The following FASTKD2 variants were observed in gnomAD, a reference collection of about 807,000 sequenced individuals.
FASTKD2 encodes the protein FAST kinase domains 2.
FASTKD2 carries 51 observed loss-of-function variants against 63.6 expected under a neutral mutation model. The observed-to-expected ratio is 0.80, with a 90% CI of 0.64 to 1.01. FASTKD2 has a LOEUF of 1.01. Among genes scored for constraint, FASTKD2 ranks in the 50% least tolerant of loss-of-function variants. The probability of loss-of-function intolerance (pLI) is 0.00; values close to 1 mark genes in which losing one functional copy is unlikely to be tolerated. For missense variants in FASTKD2, 786 were observed against 831.1 expected, an observed-to-expected ratio of 0.95 and a Z score of 0.67; for synonymous variants, 284 against 293.4, an observed-to-expected ratio of 0.97 and a Z score of 0.33.
intron 6 of FASTKD2, among the ~76,000 whole-genome samples, chr2:206,773,125 G>C (rs928418032): frequency 1.3e-5 from 2 of 151,988 alleles, no homozygotes; most frequent in African/African-American, 4.8e-5. Flanking sequence ...GACCAGCCTG[G>C]CCAACATGGT....
In FASTKD2 at chr2:206,792,080, T is replaced by G. The variant is rs1470404523; in HGVS notation, c.*278T>G. 2.4e-6 allele frequency: 1 copy of G among 419,124 alleles called. No individual in the cohort carries two copies. The highest frequency in any genetic ancestry group is 4.4e-6 in the Non-Finnish European group (1 of 227,238). The allele number at this position is 419,124 out of a possible 1,614,324, so 26.0% of individuals were successfully genotyped here. A position where few individuals can be genotyped will look rare whatever the true frequency, so the allele number is the denominator to read the frequency against. On this transcript the variant is annotated 3_prime_UTR_variant, in exon 12 of 12. Coordinates refer to ENST00000402774, the MANE Select transcript of FASTKD2 (RefSeq NM_001136193.2). ...GTACGTTTCACCTTTTCATCTTTGA[T>G]CTACTAAAAACTGGTTTCTTAGTTG...
intron 7 of FASTKD2, among the ~76,000 whole-genome samples, chr2:206,779,596 A>G (rs1297737639): frequency 1.3e-5 from 2 of 152,144 alleles, no homozygotes; most frequent in Non-Finnish European, 2.9e-5. Flanking sequence ...CTCCGTCACT[A>G]TTACGAGAAC....
In FASTKD2 at chr2:206,795,587, G is replaced by A. The variant is rs966249267; in HGVS notation, c.*3785G>A. On this transcript the variant is annotated 3_prime_UTR_variant, in exon 12 of 12. Transcript: ENST00000402774. ...ACCCATTTGTGCACACAGGTGTGCC[G>A]TGACTCACTGGTGGATCCAAAAAAA... Among the ~76,000 whole-genome samples the A allele has an allele frequency of 2.0e-5, 3 of 152,128 alleles. No homozygotes were observed. Among genetic ancestry groups the A allele is most frequent in the African/African-American group, 4.8e-5 (2 of 41,422 alleles).
In FASTKD2 at chr2:206,788,954, T is replaced by C. The variant is rs375821151; in HGVS notation, c.1898+51T>C. The stretch of plus-strand genomic sequence containing the variant: ...GGGCTTTCTGAATTAAAATCCTAAT[T>C]CTAAAAGACTTCATATTAAATAGCA... On this transcript the variant is annotated intron_variant, in intron 10 of 11. Transcript: ENST00000402774. 8.5e-6 allele frequency: 8 copies of C among 941,634 alleles called. No individual in the cohort carries two copies. The African/African-American group carries it at 1.3e-4, about 15-fold the overall frequency. 58.3% of individuals were successfully genotyped at this position (941,634 alleles called of 1,614,324 possible). A position where few individuals can be genotyped will look rare whatever the true frequency, so the allele number is the denominator to read the frequency against.
At chr2:206,786,395 C>T (rs946458758) in intron 7 of FASTKD2, among the ~76,000 whole-genome samples, 5 of 152,156 alleles carry the variant, frequency 3.3e-5, no homozygotes, top group Admixed American at 6.5e-5. Flanking sequence ...TCTAATACTG[C>T]CTTTGCTACT....
chr2:206,781,509 T>C (rs1689977256), intron 7 of FASTKD2, among the ~76,000 whole-genome samples: 1 of 151,454 alleles, frequency 6.6e-6, no homozygotes, highest in Admixed American at 6.6e-5. Context: ...AGAGACGGGG[T>C]TTCACCATTT....
chr2:206,770,173 A>C lies in FASTKD2; in HGVS notation c.860A>C (p.His287Pro), dbSNP rs754128949. 1 of 1,606,536 alleles carries C rather than the reference A, an allele frequency of 6.2e-7. No individual in the cohort carries two copies. Among genetic ancestry groups the C allele is most frequent in the African/African-American group, 1.3e-5 (1 of 74,780 alleles). The change falls in exon 3 of 12, where the codon CAT becomes CCT. Residue 287 changes from histidine to proline, a missense_variant. Transcript: ENST00000402774. ...GCAATGGAACCATGCAAGAATGTTC[A>C]TGTTCTACGAACGGGATTCAGGTGA... The part of the protein sequence containing the change: ...LEAMEPCKNV[H>P]VLRTGFRILV...
At chr2:206,783,937 G>T (rs1246113391) in intron 7 of FASTKD2, among the ~76,000 whole-genome samples, 1 of 152,156 alleles carries the variant, frequency 6.6e-6, no homozygotes, top group African/African-American at 2.4e-5. Flanking sequence ...GAGGCCAGGG[G>T]TGCCGCTAAC....
chr2:206,771,365 T>C, intron 4 of FASTKD2, 75 bp downstream of exon 4: 1 of 869,956 alleles, frequency 1.1e-6, no homozygotes, highest in South Asian at 1.4e-5. Context: ...CTGCCTGAAG[T>C]CAATTTTCTA....
Position 206,765,608 on chromosome 2 carries a change from A to G in FASTKD2, c.-190A>G, listed in dbSNP as rs970608568. On this transcript the variant is annotated 5_prime_UTR_variant, in exon 1 of 12. Transcript: ENST00000402774. The stretch of plus-strand genomic sequence containing the variant: ...CGTGAGAAGCGCAGCTTCTCGGGGA[A>G]GCTGTCATGGCTGCTCCTGTACGTA... 27 of 954,230 alleles carry G rather than the reference A, an allele frequency of 2.8e-5. No homozygotes were observed. The highest frequency in any genetic ancestry group is 4.5e-4 in the Middle Eastern group (1 of 2,202). The allele number at this position is 954,230 out of a possible 1,614,324, so 59.1% of individuals were successfully genotyped here.
At chr2:206,784,780 C>T (rs62195964) in intron 7 of FASTKD2, among the ~76,000 whole-genome samples, 1,805 of 152,310 alleles carry the variant, frequency 0.012, 18 homozygotes, top group Non-Finnish European at 0.02. Flanking sequence ...TCTTCCTCAT[C>T]AAAGTTTATT....
intron 6 of FASTKD2, among the ~76,000 whole-genome samples, chr2:206,773,925 T>C (rs1689753603): frequency 6.6e-6 from 1 of 152,178 alleles, no homozygotes; most frequent in Non-Finnish European, 1.5e-5. Flanking sequence ...AGATATGTTG[T>C]ATGAAAAGCA....
intron 7 of FASTKD2, among the ~76,000 whole-genome samples, chr2:206,784,718 G>A (rs1645028969): frequency 1.3e-5 from 2 of 152,170 alleles, no homozygotes; most frequent in Admixed American, 1.3e-4. Context: ...AATTCTGGAA[G>A]TCAGCTATTT....
At chr2:206,790,745 C>T (rs2105989369) in intron 11 of FASTKD2, 59 bp downstream of exon 11, 1 of 1,026,610 alleles carries the variant, frequency 9.7e-7, no homozygotes, top group African/African-American at 1.6e-5. Flanking sequence ...CTAACAGCTG[C>T]CAGGAATCTT....
At chr2:206,789,585 C>T (rs1045630287) in intron 10 of FASTKD2, 1 of 148,402 alleles carries the variant, frequency 6.7e-6, no homozygotes, top group African/African-American at 2.6e-5. Flanking sequence ...CTGTTAACTC[C>T]ACTGGACACA....
chr2:206,782,214 A>G (rs1338661579), intron 7 of FASTKD2, among the ~76,000 whole-genome samples: 2 of 152,178 alleles, frequency 1.3e-5, no homozygotes, highest in Admixed American at 1.3e-4. Flanking sequence ...TCCTAGGCCA[A>G]GGTGATCTCC....
chr2:206,770,880 C>T (rs1272833097), intron 3 of FASTKD2, among the ~76,000 whole-genome samples: 2 of 152,094 alleles, frequency 1.3e-5, no homozygotes, highest in African/African-American at 2.4e-5. Flanking sequence ...GATCTAATGT[C>T]ATAGATTAGT....
At chr2:206,790,316 C>T in intron 10 of FASTKD2, 1 of 402,014 alleles carries the variant, frequency 2.5e-6, no homozygotes, top group South Asian at 2.5e-5. Context: ...AAATTTTCCT[C>T]TTCAAAAATG....
At position 206,791,716 on chromosome 2, in the gene FASTKD2, G is replaced by A; in HGVS notation, c.2047G>A (p.Glu683Lys). The change falls in exon 12 of 12, where the codon GAA becomes AAA. Residue 683 changes from glutamate (E) to lysine (K), a missense_variant. Coordinates refer to ENST00000402774, the MANE Select transcript of FASTKD2 (RefSeq NM_001136193.2). Reference protein sequence around the residue: ...NNWEMDKLEMEDAVTFLKTKI... With the variant: ...NNWEMDKLEMKDAVTFLKTKI... ...CTGGGAGATGGACAAACTAGAGATG[G>A]AAGATGCAGTCACATTTTTGAAGAC... 6.2e-7 allele frequency: 1 copy of A among 1,612,156 alleles called. No homozygotes were observed. The highest frequency in any genetic ancestry group is 1.7e-5 in the Admixed American group (1 of 60,012).
Sources: allele counts gnomAD v4.1 joint callset (sites outside exome capture counted in the v4.1 genomes callset), GRCh38; gene constraint gnomAD v4.1.1; transcripts MANE v1.5; gene names NCBI Gene and HGNC (gene_info 2026-07-23, HGNC 2026-07-21).